Variants in ZNF282 observed in about 807,000 individuals in gnomAD.
The protein encoded by ZNF282 is zinc finger protein 282.
ZNF282 carries 30 observed loss-of-function variants against 61.9 expected under a neutral mutation model. The ratio of observed to expected loss-of-function variants is 0.48; its 90% CI spans 0.36 to 0.66. The LOEUF (loss-of-function observed/expected upper bound fraction) is 0.66. ZNF282 is among the 30% of genes least tolerant of loss of function. The pLI is 0.00. For synonymous variants in ZNF282, 396 were observed against 405.0 expected (o/e 0.98, Z 0.27); for missense variants, 788 against 941.4 (o/e 0.84, Z 2.13).
Position 149,225,870 on chromosome 7 carries a change from A to G in ZNF282, c.*1223A>G, listed in dbSNP as rs1010014953. 6.5e-6 allele frequency: 1 copy of G among 152,788 alleles called. No individual in the cohort carries two copies. Among genetic ancestry groups the G allele is most frequent in the Admixed American group, 6.5e-5 (1 of 15,284 alleles). The allele number at this position is 152,788 out of a possible 1,614,324, so 9.5% of individuals were successfully genotyped here. ...CCCTTCACGTTGGTGCACCTGCTCC[A>G]TAGCTCCGGGCGCTGCGTCCCGAGG... On this transcript the variant is annotated 3_prime_UTR_variant, in exon 8 of 8. Coordinates refer to ENST00000610704, the MANE Select transcript of ZNF282 (RefSeq NM_003575.4).
chr7:149,198,953 CCA>C lies in ZNF282; in HGVS notation c.585+204_585+205del, dbSNP rs1795866398. On this transcript the variant is annotated intron_variant, in intron 2 of 7. Transcript: ENST00000610704. This position sits in a 1 kb window ranked among gnomAD's most constrained non-coding sequence, Gnocchi z 4.3. ...CAGCAAGGCTCACTCCATTCATTCCCCACAGTCTGCATTTCTGTCTGGGAGCC... is the reference window on the plus strand; with the variant it reads ...CAGCAAGGCTCACTCCATTCATTCCCCAGTCTGCATTTCTGTCTGGGAGCC... 6.6e-6 allele frequency among the ~76,000 whole-genome samples: 1 copy of C among 152,224 alleles called. No homozygotes were observed. Among genetic ancestry groups the C allele is most frequent in the Admixed American group, 6.5e-5 (1 of 15,284 alleles).
chr7:149,210,523 G>A, intron 4 of ZNF282, 62 bp from the exon 5 acceptor site: 8 of 1,588,016 alleles, frequency 5.0e-6, no homozygotes, highest in Non-Finnish European at 6.9e-6. Flanking sequence ...CTGTTCCCAG[G>A]AGCAGAGCTC....
At chr7:149,210,446 T>A (rs1796064465) in intron 4 of ZNF282, 139 bp from the exon 5 acceptor site, 1 of 1,430,288 alleles carries the variant, frequency 7.0e-7, no homozygotes, top group Non-Finnish European at 9.5e-7. Context: ...CTGTCAGCCA[T>A]GCTTCTGAGC....
At chr7:149,207,504 G>C in intron 4 of ZNF282, 34 bp downstream of exon 4, 1 of 1,554,118 alleles carries the variant, frequency 6.4e-7, no homozygotes, top group South Asian at 1.2e-5. Context: ...GGGGTCCAGG[G>C]AAGGGCGAGA....
chr7:149,206,697 T>C lies in ZNF282; in HGVS notation c.587T>C (p.Val196Ala), dbSNP rs200510337. Reference sequence around the variant, plus strand: ...TAGATTAACCGCTTGTTGGCTTAGGTTCCAGTGACTTTTGTCGACATTGCT... The same window carrying C: ...TAGATTAACCGCTTGTTGGCTTAGGCTCCAGTGACTTTTGTCGACATTGCT... Reference protein sequence around the residue: ...PPGSKGEAPKVPVTFVDIAVY... With the variant: ...PPGSKGEAPKAPVTFVDIAVY... The change falls in exon 3 of 8, where the codon GTT becomes GCT. Residue 196 changes from valine (V) to alanine (A), a missense_variant and splice_region_variant. Physicochemically the swap from Val to Ala is moderately conservative, Grantham distance 64. Around this residue, in one of 3 missense-constraint regions of ZNF282, gnomAD observed 92 missense variants for 163.9 expected, o/e 0.56. Coordinates refer to ENST00000610704, the MANE Select transcript of ZNF282 (RefSeq NM_003575.4). 129 of 1,614,086 alleles carry C rather than the reference T, an allele frequency of 8.0e-5. 1 individual carries two copies. In the Admixed American group the frequency reaches 2.1e-3, roughly 26 times the overall value.
At chr7:149,214,666 T>TACA (rs1195373596) in intron 7 of ZNF282, among the ~76,000 whole-genome samples, 2 of 152,008 alleles carry the variant, frequency 1.3e-5, no homozygotes, top group Non-Finnish European at 2.9e-5. Context: ...CCACAGGGTC[T>TACA]ACAAAAAAAT....
chr7:149,198,381 C>T lies in ZNF282; in HGVS notation c.214C>T (p.Pro72Ser). 6.2e-7 allele frequency: 1 copy of T among 1,614,058 alleles called. No individual in the cohort carries two copies. The highest frequency in any genetic ancestry group is 8.5e-7 in the Non-Finnish European group (1 of 1,179,958). Residue 72 changes from proline (P) to serine (S), a missense_variant, in exon 2 of 8, where the codon CCA becomes TCA. By Grantham distance (74) the Pro-to-Ser change is moderately conservative. Coordinates refer to ENST00000610704, the MANE Select transcript of ZNF282 (RefSeq NM_003575.4). The surrounding 1 kb of genome is among the most constrained non-coding windows in gnomAD (Gnocchi z 4.3). ...DARRPMPFQF[P>S]PFPDRAPVFP... ...CCGGCGGCCAATGCCTTTTCAGTTC[C>T]CACCCTTTCCAGATAGGGCACCTGT... is the stretch of plus-strand genomic sequence containing the variant.
At chr7:149,200,700 A>C (rs1254120653) in intron 2 of ZNF282, among the ~76,000 whole-genome samples, 3 of 152,008 alleles carry the variant, frequency 2.0e-5, no homozygotes, top group African/African-American at 7.3e-5. Context: ...GGTTCAAGTG[A>C]TTCTCCTGCC....
rs879161703 is a variant in ZNF282, at chr7:149,198,783, G to A, written c.585+31G>A. The A allele has an allele frequency of 3.1e-6, 5 of 1,589,372 alleles. No individual in the cohort carries two copies. The Admixed American group carries it at 9.2e-5, about 29-fold the overall frequency. On this transcript the variant is annotated intron_variant, in intron 2 of 7. Coordinates refer to ENST00000610704, the MANE Select transcript of ZNF282 (RefSeq NM_003575.4). The surrounding 1 kb of genome is among the most constrained non-coding windows in gnomAD (Gnocchi z 4.3). Reference sequence around the variant, plus strand: ...TGGTGGTCCCTGGGGCAGGGATAGAGGTGAGGAACAGCACAGGTGCATAAA... The same window carrying A: ...TGGTGGTCCCTGGGGCAGGGATAGAAGTGAGGAACAGCACAGGTGCATAAA...
At chr7:149,215,869 G>C (rs1466851942) in intron 7 of ZNF282, among the ~76,000 whole-genome samples, 2 of 152,120 alleles carry the variant, frequency 1.3e-5, no homozygotes, top group Non-Finnish European at 2.9e-5. Context: ...ATCTGACCTG[G>C]GGCCAGGAAA....
chr7:149,210,710 T>C lies in ZNF282; in HGVS notation c.952+6T>C. The stretch of plus-strand genomic sequence containing the variant: ...CCCTACGGAATCCATTACCGGTGAG[T>C]GAGCCAAGCAGCCGTCCACACCAGG... On this transcript the variant is annotated splice_donor_region_variant and intron_variant, in intron 5 of 7. Coordinates refer to ENST00000610704, the MANE Select transcript of ZNF282 (RefSeq NM_003575.4). 6.3e-7 allele frequency: 1 copy of C among 1,581,462 alleles called. No individual in the cohort carries two copies. The highest frequency in any genetic ancestry group is 8.6e-7 in the Non-Finnish European group (1 of 1,164,668).
At chr7:149,223,288 T>TA (rs1271952235) in intron 7 of ZNF282, among the ~76,000 whole-genome samples, 4 of 151,896 alleles carry the variant, frequency 2.6e-5, no homozygotes, top group Admixed American at 6.6e-5. Flanking sequence ...AGATTTGTTT[T>TA]TTTTTTTTAA....
In ZNF282 at chr7:149,214,316, A is replaced by G. The variant is rs573778419; in HGVS notation, c.1180+502A>G. On this transcript the variant is annotated intron_variant, in intron 7 of 7. Coordinates refer to ENST00000610704, the MANE Select transcript of ZNF282 (RefSeq NM_003575.4). ...TGGATCAGGGCCTCCCTACTCTAGTATGACCTCATCTTAACTAACTACATC... is the reference window on the plus strand; with the variant it reads ...TGGATCAGGGCCTCCCTACTCTAGTGTGACCTCATCTTAACTAACTACATC... Among the ~76,000 whole-genome samples, 474 of 152,324 alleles carry G rather than the reference A, an allele frequency of 3.1e-3. 2 individuals are homozygous for G. The highest frequency in any genetic ancestry group is 0.01 in the Middle Eastern group (3 of 294).
chr7:149,213,770 C>T lies in ZNF282; in HGVS notation c.1136C>T (p.Pro379Leu). 1 of 1,613,926 alleles carries T rather than the reference C, an allele frequency of 6.2e-7. No individual in the cohort carries two copies. The highest frequency in any genetic ancestry group is 8.5e-7 in the Non-Finnish European group (1 of 1,179,984). Residue 379 changes from proline to leucine, a missense_variant, in exon 7 of 8, where the codon CCA (proline) becomes CTA (leucine). Physicochemically the swap from Pro to Leu is moderately conservative, Grantham distance 98. This residue lies in a region of ZNF282 where 559 missense variants were observed against 642.0 expected (regional missense o/e 0.87). Coordinates refer to ENST00000610704, the MANE Select transcript of ZNF282 (RefSeq NM_003575.4). ...KQEEQPYPWG[P>L]RDSMDGELGL... is the part of the protein sequence containing the mutation. ...GAGGAGCAGCCATACCCATGGGGACCACGCGACTCAATGGACGGAGAGCTT... is the reference window on the plus strand; with the variant it reads ...GAGGAGCAGCCATACCCATGGGGACTACGCGACTCAATGGACGGAGAGCTT...
In ZNF282 at chr7:149,198,904, A is replaced by G; in HGVS notation, c.585+152A>G. The G allele has an allele frequency of 8.9e-7, 1 of 1,118,472 alleles. No homozygotes were observed. The allele number at this position is 1,118,472 out of a possible 1,614,324, so 69.3% of individuals were successfully genotyped here. A position where few individuals can be genotyped will look rare whatever the true frequency, so the allele number is the denominator to read the frequency against. The stretch of plus-strand genomic sequence containing the variant: ...TCTTAAAGCCTGTCTCCACTGAAAC[A>G]ACCTGGTCTTGGACGTTCTACCCCA... On this transcript the variant is annotated intron_variant, in intron 2 of 7. Coordinates refer to ENST00000610704, the MANE Select transcript of ZNF282 (RefSeq NM_003575.4). The surrounding 1 kb of genome is among the most constrained non-coding windows in gnomAD (Gnocchi z 4.3).
Position 149,195,771 on chromosome 7 carries a change from G to T in ZNF282, c.165+17G>T. 1 of 1,479,052 alleles carries T rather than the reference G, an allele frequency of 6.8e-7. No homozygotes were observed. The highest frequency in any genetic ancestry group is 1.3e-5 in the South Asian group (1 of 76,530). The allele number at this position is 1,479,052 out of a possible 1,614,324, so 91.6% of individuals were successfully genotyped here. A position where few individuals can be genotyped will look rare whatever the true frequency, so the allele number is the denominator to read the frequency against. ...CCCATGCAGGTGGGAGAACCCCGCC[G>T]GCGCCATGGCCGCGCTGCCGTGGGG... is the stretch of plus-strand genomic sequence containing the variant. On this transcript the variant is annotated intron_variant, in intron 1 of 7. Coordinates refer to ENST00000610704, the MANE Select transcript of ZNF282 (RefSeq NM_003575.4).
chr7:149,220,807 G>T (rs1674303863), intron 7 of ZNF282, among the ~76,000 whole-genome samples: 1 of 151,770 alleles, frequency 6.6e-6, no homozygotes, highest in South Asian at 2.1e-4. Context: ...GGTTGGGGGG[G>T]AGGGGCGTAG....
At chr7:149,210,411 C>A (rs1468041082) in intron 4 of ZNF282, among the ~76,000 whole-genome samples, 174 bp from the exon 5 acceptor site, 1 of 152,232 alleles carries the variant, frequency 6.6e-6, no homozygotes, top group Non-Finnish European at 1.5e-5. Flanking sequence ...GAACCCGAGA[C>A]CCCTGTCTTC....
intron 2 of ZNF282, among the ~76,000 whole-genome samples, chr7:149,202,382 G>A (rs148088208): frequency 2.0e-5 from 3 of 151,982 alleles, no homozygotes; most frequent in African/African-American, 7.2e-5. Flanking sequence ...TGCGAACTCG[G>A]CTCACTGTAA....
Sources: gnomAD v4.1 joint callset for allele counts (sites outside exome capture counted in the v4.1 genomes callset) on GRCh38, gnomAD v4.1.1 for gene constraint, gnomAD v4.1.1 regional missense constraint, Gnocchi (gnomAD v3.1) non-coding constraint, MANE v1.5 for transcripts, NCBI Gene and HGNC (gene_info 2026-07-23, HGNC 2026-07-21) for gene names.